LDHA: variants seen among roughly 807,000 people sequenced by gnomAD.
LDHA encodes lactate dehydrogenase A, also known as L-lactate dehydrogenase A chain.
In LDHA, 10 loss-of-function variants were observed where a neutral mutation model predicts 36.3. That is an observed-to-expected ratio of 0.28 (90% CI 0.17 to 0.47). The LOEUF is 0.47. Ranked by LOEUF, LDHA falls within the 20% of genes least tolerant of loss-of-function variation. The probability of loss-of-function intolerance (pLI) is 0.99; values close to 1 mark genes in which losing one functional copy is unlikely to be tolerated. For synonymous variants in LDHA, 110 were observed against 136.7 expected (o/e 0.80, Z 1.36); for missense variants, 267 against 405.8 (o/e 0.66, Z 2.94).
intron 7 of LDHA, 137 bp from the exon 8 acceptor site, chr11:18,406,980 T>C (rs755760191): frequency 1.4e-4 from 91 of 673,792 alleles, no homozygotes; most frequent in Non-Finnish European, 2.1e-4. Flanking sequence ...CACTCCAGCC[T>C]GGGCGACAGA....
chr11:18,396,253 C>G (rs1340710081), intron 1 of LDHA: 1 of 335,836 alleles, frequency 3.0e-6, no homozygotes, highest in Non-Finnish European at 5.4e-6. Context: ...CTGGGCCCGC[C>G]CATCTTCCGG....
At chr11:18,401,473 C>CT (rs58157049) in intron 4 of LDHA, among the ~76,000 whole-genome samples, 14,281 of 67,050 alleles carry the variant, frequency 0.21, 2,918 homozygotes, top group African/African-American at 0.24. Context: ...ATTTATTTTT[C>CT]TTTTTTTTTT....
chr11:18,395,448 C>A (rs929006485), intron 1 of LDHA, among the ~76,000 whole-genome samples: 1 of 152,146 alleles, frequency 6.6e-6, no homozygotes, highest in Non-Finnish European at 1.5e-5. Context: ...TCATCCCATG[C>A]CCTCCCACCT....
chr11:18,402,829 C>A lies in LDHA; in HGVS notation c.419-11C>A. ...GATAATGGGTGATTTTTATTTTCTC[C>A]TTTTTCATAGTGGATATCTTGACCT... On this transcript the variant is annotated splice_polypyrimidine_tract_variant and intron_variant, in intron 4 of 7. Coordinates refer to ENST00000422447, the MANE Select transcript of LDHA (RefSeq NM_005566.4). 1 of 1,606,754 alleles carries A rather than the reference C, an allele frequency of 6.2e-7. No individual in the cohort carries two copies. Among genetic ancestry groups the A allele is most frequent in the Non-Finnish European group, 8.5e-7 (1 of 1,173,676 alleles).
chr11:18,400,419 A>G (rs2134022902), intron 3 of LDHA: 1 of 283,036 alleles, frequency 3.5e-6, no homozygotes. Context: ...AAGTCCCCCT[A>G]CCACCACCAC....
chr11:18,402,572 A>G, intron 4 of LDHA: 1 of 387,316 alleles, frequency 2.6e-6, no homozygotes, highest in East Asian at 6.1e-5. Context: ...TGTTGGGATA[A>G]CAGGTGTGAG....
chr11:18,407,006 A>G, intron 7 of LDHA, 111 bp from the exon 8 acceptor site: 1 of 759,306 alleles, frequency 1.3e-6, no homozygotes, highest in Non-Finnish European at 1.9e-6. Context: ...ACTCTGCCTC[A>G]AAAAAAAATT....
chr11:18,407,365 A>C lies in LDHA; in HGVS notation c.*84A>C. 6.2e-7 allele frequency: 1 copy of C among 1,608,752 alleles called. No individual in the cohort carries two copies. The highest frequency in any genetic ancestry group is 1.3e-5 in the African/African-American group (1 of 74,820). On this transcript the variant is annotated 3_prime_UTR_variant, in exon 8 of 8. Transcript: ENST00000422447. ...TTGTGCATGTTGTCCTTTTTATCTG[A>C]TCTGTGATTAAAGCAGTAATATTTT...
Position 18,399,488 on chromosome 11 carries a change from A to G in LDHA, c.184A>G (p.Met62Val). ...DVIEDKLKGE[M>V]MDLQHGSLFL... ...CATCGAAGACAAATTGAAGGGAGAGATGATGGATCTCCAACATGGCAGCCT... is the reference window on the plus strand; with the variant it reads ...CATCGAAGACAAATTGAAGGGAGAGGTGATGGATCTCCAACATGGCAGCCT... The change falls in exon 3 of 8, where the codon ATG (methionine) becomes GTG (valine). Residue 62 changes from methionine to valine, a missense_variant. Transcript: ENST00000422447. The G allele has an allele frequency of 1.2e-6, 2 of 1,613,670 alleles. No individual in the cohort carries two copies. Among genetic ancestry groups the G allele is most frequent in the Non-Finnish European group, 1.7e-6 (2 of 1,179,612 alleles).
At position 18,407,069 on chromosome 11, in the gene LDHA, A is replaced by G. The variant is rs772774301; in HGVS notation, c.835-48A>G. 2.9e-6 allele frequency: 4 copies of G among 1,387,772 alleles called. No individual in the cohort carries two copies. The Admixed American group carries it at 5.9e-5, about 21-fold the overall frequency. The allele number at this position is 1,387,772 out of a possible 1,614,324, so 86.0% of individuals were successfully genotyped here. On this transcript the variant is annotated intron_variant, in intron 7 of 7. Coordinates refer to ENST00000422447, the MANE Select transcript of LDHA (RefSeq NM_005566.4). Reference sequence around the variant, plus strand: ...GACTGTAAGTCTTGGGAAACCTGGGAATGCATAGACAAAATGTGAGATTTT... The same window carrying G: ...GACTGTAAGTCTTGGGAAACCTGGGGATGCATAGACAAAATGTGAGATTTT...
At chr11:18,399,251 T>C (rs1866398155) in intron 2 of LDHA, 180 bp from the exon 3 acceptor site, 1 of 597,206 alleles carries the variant, frequency 1.7e-6, no homozygotes, top group Non-Finnish European at 3.0e-6. Flanking sequence ...GTGCTATCTA[T>C]GTAGGGTGTA....
intron 4 of LDHA, 66 bp downstream of exon 4, chr11:18,401,076 T>A (rs1590213995): frequency 9.1e-6 from 5 of 551,694 alleles, no homozygotes; most frequent in Non-Finnish European, 1.4e-5. Flanking sequence ...GATATATATA[T>A]TATATATATT....
chr11:18,405,687 T>C, intron 7 of LDHA, 115 bp downstream of exon 7: 2 of 1,179,262 alleles, frequency 1.7e-6, no homozygotes, highest in South Asian at 2.4e-5. Context: ...TGAAATAAAT[T>C]AATGTACCCA....
chr11:18,402,642 A>G lies in LDHA; in HGVS notation c.419-198A>G, dbSNP rs968717396. On this transcript the variant is annotated intron_variant, in intron 4 of 7. Transcript: ENST00000422447. Reference sequence around the variant, plus strand: ...TTAATGGACTTGATATACATAGTGTAGAGGCTTAAAAATATTAACAAAATT... The same window carrying G: ...TTAATGGACTTGATATACATAGTGTGGAGGCTTAAAAATATTAACAAAATT... The G allele has an allele frequency of 1.1e-5, 6 of 564,874 alleles. No homozygotes were observed. In the East Asian group the frequency reaches 1.9e-4, roughly 18 times the overall value. 35.0% of individuals were successfully genotyped at this position (564,874 alleles called of 1,614,324 possible).
rs1202942355 is a variant in LDHA, at chr11:18,394,607, C to G, written c.-54C>G. 8.8e-5 allele frequency: 40 copies of G among 454,024 alleles called. No homozygotes were observed. The Admixed American group carries it at 9.4e-4, about 11-fold the overall frequency. 28.1% of individuals were successfully genotyped at this position (454,024 alleles called of 1,614,324 possible). On this transcript the variant is annotated 5_prime_UTR_variant, in exon 1 of 8. Coordinates refer to ENST00000422447, the MANE Select transcript of LDHA (RefSeq NM_005566.4). ...CGATTCCGGATCTCATTGCCACGCG[C>G]CCCCGACGACCGCCCGACGTGCATT...
intron 4 of LDHA, 199 bp from the exon 5 acceptor site, chr11:18,402,641 T>C (rs1183730311): frequency 5.3e-6 from 3 of 563,212 alleles, no homozygotes; most frequent in Non-Finnish European, 9.6e-6. Context: ...ATACATAGTG[T>C]AGAGGCTTAA....
chr11:18,397,522 A>G (rs1223114434), intron 2 of LDHA: 1 of 152,258 alleles, frequency 6.6e-6, no homozygotes, highest in Non-Finnish European at 1.5e-5. Flanking sequence ...CAACATTAAA[A>G]TGTCTGAGGC....
At position 18,399,487 on chromosome 11, in the gene LDHA, G is replaced by A. The variant is rs149588992; in HGVS notation, c.183G>A (p.Glu61=). 307 of 1,613,666 alleles carry A rather than the reference G, an allele frequency of 1.9e-4. 1 individual carries two copies. The African/African-American group carries it at 3.5e-3, about 18-fold the overall frequency. Residue 61 remains glutamate, a synonymous_variant, in exon 3 of 8, where the codon GAG becomes GAA. Transcript: ENST00000422447. ...TCATCGAAGACAAATTGAAGGGAGA[G>A]ATGATGGATCTCCAACATGGCAGCC... ...VDVIEDKLKG[E]MMDLQHGSLF...
Position 18,408,193 on chromosome 11 carries a change from CAATT to C in LDHA, c.*915_*918del. On this transcript the variant is annotated 3_prime_UTR_variant, in exon 8 of 8. Transcript: ENST00000422447. ...GATCTTGTCCTCTGGAAGCTGGTAA[CAATT>C]AAAAACAATCTTAAGGCAGGGTGCA... The C allele has an allele frequency of 2.2e-6, 1 of 454,034 alleles. No individual in the cohort carries two copies. Among genetic ancestry groups the C allele is most frequent in the Non-Finnish European group, 4.4e-6 (1 of 226,780 alleles). The allele number at this position is 454,034 out of a possible 1,614,324, so 28.1% of individuals were successfully genotyped here.
Sources: gnomAD v4.1 joint callset for allele counts (sites outside exome capture counted in the v4.1 genomes callset) on GRCh38, gnomAD v4.1.1 for gene constraint, MANE v1.5 for transcripts, NCBI Gene and HGNC (gene_info 2026-07-23, HGNC 2026-07-21) for gene names.